The following SLCO1C1 variants were observed in gnomAD, a reference collection of about 807,000 sequenced individuals.
SLCO1C1 encodes solute carrier organic anion transporter family member 1C1, also known as OAT-RP-5.
Under a neutral mutation model 76.4 loss-of-function variants are expected in SLCO1C1, and 70 were observed. That is an observed-to-expected ratio of 0.92 (90% CI 0.76 to 1.12). The LOEUF (loss-of-function observed/expected upper bound fraction) is 1.12, where lower values mean the gene tolerates loss of function less well. Among genes scored for constraint, SLCO1C1 ranks in the 50% most tolerant of loss-of-function variants. The pLI is 0.00. For synonymous variants in SLCO1C1, 306 were observed against 286.1 expected (o/e 1.07, Z -0.70); for missense variants, 912 against 823.8 (o/e 1.11, Z -1.31).
chr12:20,705,933 A>T lies in SLCO1C1; in HGVS notation c.272-16A>T. ...TAAGTTCTCTAATTTATGATGTTTT[A>T]TTCTTTTCCTCAAAGGGAATCTCTT... On this transcript the variant is annotated splice_polypyrimidine_tract_variant and intron_variant, in intron 3 of 14. Transcript: ENST00000266509. 2.5e-6 allele frequency: 4 copies of T among 1,611,602 alleles called. No homozygotes were observed. Among genetic ancestry groups the T allele is most frequent in the Non-Finnish European group, 3.4e-6 (4 of 1,178,480 alleles).
chr12:20,724,451 A>G (rs12307693), intron 9 of SLCO1C1, among the ~76,000 whole-genome samples: 62,172 of 74,968 alleles, frequency 0.83, 25,486 homozygotes, highest in Non-Finnish European at 0.87. Flanking sequence ...ATATATATAT[A>G]TGTGTGTGTG....
At chr12:20,719,625 C>G (rs1032273310) in intron 7 of SLCO1C1, among the ~76,000 whole-genome samples, 6 of 152,132 alleles carry the variant, frequency 3.9e-5, no homozygotes, top group African/African-American at 1.2e-4. Context: ...AAGATTAAAC[C>G]AGCCACAACA....
intron 9 of SLCO1C1, among the ~76,000 whole-genome samples, chr12:20,724,932 A>T (rs989593685): frequency 6.9e-6 from 1 of 144,358 alleles, no homozygotes. Context: ...ATTATAAATC[A>T]TTATGTATTT....
Position 20,706,017 on chromosome 12 carries a change from G to T in SLCO1C1, c.340G>T (p.Ala114Ser), listed in dbSNP as rs764049864. The T allele has an allele frequency of 3.1e-6, 5 of 1,613,462 alleles. No homozygotes were observed. Among genetic ancestry groups the T allele is most frequent in the Non-Finnish European group, 4.2e-6 (5 of 1,179,520 alleles). ...AKLHRPKIIG[A>S]GCVIMGVGTL... ...ACTTCACAGGCCAAAAATAATTGGA[G>T]CAGGGTGTGTAATCATGGGAGTTGG... The change falls in exon 4 of 15, where the codon GCA becomes TCA. Residue 114 changes from alanine (A) to serine (S), a missense_variant. Coordinates refer to ENST00000266509, the MANE Select transcript of SLCO1C1 (RefSeq NM_017435.5).
intron 6 of SLCO1C1, 93 bp from the exon 7 acceptor site, chr12:20,717,039 A>G: frequency 9.1e-7 from 1 of 1,102,262 alleles, no homozygotes; most frequent in Non-Finnish European, 1.3e-6. Flanking sequence ...TGAGCTACTG[A>G]CTGGATCACA....
rs79611596 is a variant in SLCO1C1, at chr12:20,733,214, G to T, written c.1382+110G>T. 6.1e-3 allele frequency: 6,176 copies of T among 1,018,890 alleles called. 210 individuals are homozygous for T. The East Asian group carries it at 0.07, about 12-fold the overall frequency. 63.1% of individuals were successfully genotyped at this position (1,018,890 alleles called of 1,614,324 possible). On this transcript the variant is annotated intron_variant, in intron 10 of 14. Coordinates refer to ENST00000266509, the MANE Select transcript of SLCO1C1 (RefSeq NM_017435.5). ...TTTTTAAACATCATAACTATGGTAA[G>T]CAACTTAGTATTTTATTGTGGAATA...
At chr12:20,711,365 G>C (rs1185809644) in intron 4 of SLCO1C1, 21 bp from the exon 5 acceptor site, 33 of 1,607,630 alleles carry the variant, frequency 2.1e-5, no homozygotes, top group Non-Finnish European at 2.5e-5. Context: ...CTATCATGAA[G>C]AAAACATTCC....
At chr12:20,727,009 C>G (rs563866356) in intron 9 of SLCO1C1, among the ~76,000 whole-genome samples, 1 of 152,290 alleles carries the variant, frequency 6.6e-6, no homozygotes, top group South Asian at 2.1e-4. Flanking sequence ...TGGCCTCTAG[C>G]TCCATCTGTG....
intron 13 of SLCO1C1, among the ~76,000 whole-genome samples, chr12:20,745,249 T>C (rs1479072780): frequency 6.6e-6 from 1 of 152,120 alleles, no homozygotes; most frequent in East Asian, 1.9e-4. Flanking sequence ...AGGTTTGATA[T>C]AACTGAAAAT....
At chr12:20,740,071 AT>A in intron 11 of SLCO1C1, 112 bp from the exon 12 acceptor site, 1 of 1,042,452 alleles carries the variant, frequency 9.6e-7, no homozygotes, top group Non-Finnish European at 1.4e-6. Context: ...ATAAAAGAAT[AT>A]TTCCTCATTG....
chr12:20,711,138 G>A (rs1565507362), intron 4 of SLCO1C1, among the ~76,000 whole-genome samples: 1 of 152,138 alleles, frequency 6.6e-6, no homozygotes, highest in African/African-American at 2.4e-5. Context: ...CTGCATTCAA[G>A]GCCATCTTGG....
intron 9 of SLCO1C1, among the ~76,000 whole-genome samples, chr12:20,725,456 C>T (rs1947932128): frequency 1.4e-5 from 2 of 145,096 alleles, no homozygotes; most frequent in Admixed American, 7.0e-5. Flanking sequence ...ATTATGTATA[C>T]TATAATATAT....
chr12:20,696,049 C>G (rs1305511539), intron 1 of SLCO1C1, among the ~76,000 whole-genome samples: 1 of 152,070 alleles, frequency 6.6e-6, no homozygotes, highest in Non-Finnish European at 1.5e-5. Context: ...TGACAAGTCA[C>G]TTAATTGCTT....
At chr12:20,725,730 C>G (rs1659837019) in intron 9 of SLCO1C1, among the ~76,000 whole-genome samples, 1 of 151,034 alleles carries the variant, frequency 6.6e-6, no homozygotes, top group Admixed American at 6.6e-5. Flanking sequence ...TGCCAAAACA[C>G]ACGGAAGTTG....
Position 20,746,679 on chromosome 12 carries a change from T to G in SLCO1C1, c.1798+3310T>G, listed in dbSNP as rs1359288915. ...AAATACACAGTACATTTGCCTGAAG[T>G]AAACTGAACCTGAATCTAACAAGAT... On this transcript the variant is annotated intron_variant, in intron 13 of 14. Transcript: ENST00000266509. Among the ~76,000 whole-genome samples the G allele has an allele frequency of 2.6e-5, 4 of 152,094 alleles. No homozygotes were observed. In the East Asian group the frequency reaches 7.7e-4, roughly 29 times the overall value.
chr12:20,719,490 AAC>A (rs1205787803), intron 7 of SLCO1C1, among the ~76,000 whole-genome samples: 2 of 152,178 alleles, frequency 1.3e-5, no homozygotes, highest in African/African-American at 4.8e-5. Flanking sequence ...TCTTGCACCA[AAC>A]AGTTACCCAA....
chr12:20,743,160 CCTAT>C, intron 12 of SLCO1C1, 141 bp from the exon 13 acceptor site: 1 of 633,626 alleles, frequency 1.6e-6, no homozygotes, highest in South Asian at 2.5e-5. Context: ...TTTTGCCCTC[CCTAT>C]GTTAGCACAC....
intron 8 of SLCO1C1, among the ~76,000 whole-genome samples, chr12:20,722,865 G>A (rs561599433): frequency 6.6e-6 from 1 of 152,160 alleles, no homozygotes; most frequent in Non-Finnish European, 1.5e-5. Flanking sequence ...TATACTGCAT[G>A]TCTGTAGAAA....
intron 1 of SLCO1C1, among the ~76,000 whole-genome samples, chr12:20,698,200 GTT>G (rs951933584): frequency 6.6e-6 from 1 of 151,534 alleles, no homozygotes; most frequent in Non-Finnish European, 1.5e-5. Flanking sequence ...TTATATCTTT[GTT>G]TTTTGTCTTG....
Sources: allele counts gnomAD v4.1 joint callset (sites outside exome capture counted in the v4.1 genomes callset), GRCh38; gene constraint gnomAD v4.1.1; transcripts MANE v1.5; gene names NCBI Gene and HGNC (gene_info 2026-07-23, HGNC 2026-07-21).